The following CTBP1 variants were observed in gnomAD, a reference collection of about 807,000 sequenced individuals.
The protein encoded by CTBP1 is C-terminal-binding protein 1.
CTBP1 carries 11 observed loss-of-function variants against 42.1 expected under a neutral mutation model. The ratio of observed to expected loss-of-function variants is 0.26; its 90% confidence interval spans 0.16 to 0.43. The LOEUF is 0.43. CTBP1 is among the 20% of genes least tolerant of loss of function. The probability of loss-of-function intolerance (pLI) is 1.00; values close to 1 mark genes in which losing one functional copy is unlikely to be tolerated. For missense variants in CTBP1, 399 were observed against 624.3 expected (o/e 0.64, Z 3.85); for synonymous variants, 324 against 277.1 (o/e 1.17, Z -1.68).
chr4:1,240,585 G>T (rs1332103678), intron 2 of CTBP1, among the ~76,000 whole-genome samples: 1 of 106,118 alleles, frequency 9.4e-6, no homozygotes, highest in Non-Finnish European at 2.0e-5. Context: ...CCGGGTGCTG[G>T]GTGAGTGGGA....
chr4:1,229,516 CG>C (rs1382410982), intron 3 of CTBP1, among the ~76,000 whole-genome samples: 1 of 152,244 alleles, frequency 6.6e-6, no homozygotes, highest in African/African-American at 2.4e-5. Context: ...GTACTCCTGA[CG>C]GATCAATGGC....
chr4:1,232,455 G>A (rs1462683100), intron 3 of CTBP1, among the ~76,000 whole-genome samples: 2 of 152,056 alleles, frequency 1.3e-5, no homozygotes, highest in Non-Finnish European at 2.9e-5. Flanking sequence ...TGGACTACAG[G>A]CGCGCACCAC....
intron 1 of CTBP1, chr4:1,244,587 C>T (rs1040706158): frequency 2.0e-6 from 2 of 985,098 alleles, no homozygotes; most frequent in African/African-American, 3.5e-5. Context: ...AGCTCCTCCT[C>T]ACCAACCCCA....
intron 3 of CTBP1, chr4:1,232,744 C>T (rs1356524447): frequency 6.6e-6 from 1 of 152,244 alleles, no homozygotes; most frequent in Non-Finnish European, 1.5e-5. Context: ...CTCTTGCAAG[C>T]GTTCCTCTAA....
At position 1,241,328 on chromosome 4, in the gene CTBP1, A is replaced by C. The variant is rs1577074834; in HGVS notation, c.4T>G (p.Ser2Ala). 2.3e-6 allele frequency: 2 copies of C among 873,330 alleles called. No homozygotes were observed. Among genetic ancestry groups the C allele is most frequent in the East Asian group, 4.8e-5 (2 of 41,630 alleles). The allele number at this position is 873,330 out of a possible 1,614,324, so 54.1% of individuals were successfully genotyped here. Residue 2 changes from serine (S) to alanine (A), a missense_variant, in exon 2 of 10, where the codon TCA becomes GCA. Around this residue, in one of 4 missense-constraint regions of CTBP1, gnomAD observed 17 missense variants for 18.7 expected, o/e 0.91. Transcript: ENST00000382952. M[S>A]GVRPPIMNGP... ...GACGCCAGGAACCCCTACCAACCTG[A>C]CATCTCTTAATATGGGCTCAGCTTC...
chr4:1,248,691 T>C (rs1436137404), intron 1 of CTBP1: 1 of 981,092 alleles, frequency 1.0e-6, no homozygotes, highest in East Asian at 1.2e-4. Context: ...GAGAGCAGAC[T>C]GCGGCGCTCG....
chr4:1,241,650 C>T lies in CTBP1; in HGVS notation c.-188-131G>A, dbSNP rs1732189159. On this transcript the variant is annotated intron_variant, in intron 1 of 9. Coordinates refer to ENST00000382952, the MANE Select transcript of CTBP1 (RefSeq NM_001012614.2). The stretch of plus-strand genomic sequence containing the variant: ...ACCCGGGACTGCTGTCTGGGACCTA[C>T]CTGGACTCGGGGGCCTGCTGACAGC... 3 of 1,343,970 alleles carry T rather than the reference C, an allele frequency of 2.2e-6. No homozygotes were observed. In the Admixed American group the frequency reaches 7.2e-5, roughly 32 times the overall value. 83.3% of individuals were successfully genotyped at this position (1,343,970 alleles called of 1,614,324 possible).
intron 5 of CTBP1, chr4:1,223,630 G>A (rs1560245122): frequency 2.6e-6 from 1 of 392,076 alleles, no homozygotes. Context: ...AGGCAGCTGG[G>A]CCAAGGTGTC....
chr4:1,249,068 C>T lies in CTBP1; in HGVS notation c.-341G>A, dbSNP rs1468695743. ...CGCTGCTCCGCCCGCCCGCCTGCGCCTGGCCGCCGCCGTGCCGAGTCTCCG... is the reference window on the plus strand; with the variant it reads ...CGCTGCTCCGCCCGCCCGCCTGCGCTTGGCCGCCGCCGTGCCGAGTCTCCG... On this transcript the variant is annotated 5_prime_UTR_variant, in exon 1 of 10. Transcript: ENST00000382952. 5.3e-6 allele frequency: 2 copies of T among 376,350 alleles called. No individual in the cohort carries two copies. The highest frequency in any genetic ancestry group is 2.2e-5 in the African/African-American group (1 of 45,104). The allele number at this position is 376,350 out of a possible 1,614,324, so 23.3% of individuals were successfully genotyped here. A position where few individuals can be genotyped will look rare whatever the true frequency, so the allele number is the denominator to read the frequency against.
intron 7 of CTBP1, 144 bp downstream of exon 7, chr4:1,214,199 G>A (rs1180707645): frequency 1.1e-5 from 12 of 1,105,400 alleles, no homozygotes; most frequent in African/African-American, 1.7e-5. Flanking sequence ...ACCCCGCAGC[G>A]GGCGGCAAAC....
In CTBP1 at chr4:1,238,508, C is replaced by T. The variant is rs1432670684; in HGVS notation, c.8-171G>A. Among the ~76,000 whole-genome samples the T allele has an allele frequency of 6.6e-6, 1 of 152,186 alleles. No individual in the cohort carries two copies. Among genetic ancestry groups the T allele is most frequent in the Non-Finnish European group, 1.5e-5 (1 of 68,036 alleles). On this transcript the variant is annotated intron_variant, in intron 2 of 9. Coordinates refer to ENST00000382952, the MANE Select transcript of CTBP1 (RefSeq NM_001012614.2). The surrounding 1 kb of genome is among the most constrained non-coding windows in gnomAD (Gnocchi z 5.9). ...AATTAAAAATCCACGTGAAAGACAACTCGTGTGTGCCTCAGCTCGCTGACT... is the reference window on the plus strand; with the variant it reads ...AATTAAAAATCCACGTGAAAGACAATTCGTGTGTGCCTCAGCTCGCTGACT...
At chr4:1,244,105 G>C in intron 1 of CTBP1, 1 of 985,398 alleles carries the variant, frequency 1.0e-6, no homozygotes, top group South Asian at 4.7e-5. Flanking sequence ...GGGGCTGCAC[G>C]GTGGCGGCCC....
chr4:1,226,263 C>T (rs2108750895), intron 4 of CTBP1, among the ~76,000 whole-genome samples: 1 of 152,288 alleles, frequency 6.6e-6, no homozygotes, highest in South Asian at 2.1e-4. Context: ...TGGCTTGTCC[C>T]TGGCCAGGGC....
At chr4:1,248,373 G>T (rs1158764356) in intron 1 of CTBP1, among the ~76,000 whole-genome samples, 1 of 151,466 alleles carries the variant, frequency 6.6e-6, no homozygotes, top group Non-Finnish European at 1.5e-5. Context: ...CGGCACCCGC[G>T]CCCCGTCCCC....
At chr4:1,247,767 A>AGAG (rs1553852050) in intron 1 of CTBP1, among the ~76,000 whole-genome samples, 2 of 70,790 alleles carry the variant, frequency 2.8e-5, no homozygotes, top group African/African-American at 1.5e-4. Flanking sequence ...GAGGCCGGGG[A>AGAG]GGGGGGGGGG....
In CTBP1 at chr4:1,235,014, G is replaced by C. The variant is rs1348634816; in HGVS notation, c.162+3169C>G. On this transcript the variant is annotated intron_variant, in intron 3 of 9. Transcript: ENST00000382952. This position sits in a 1 kb window ranked among gnomAD's most constrained non-coding sequence, Gnocchi z 4.2. The stretch of plus-strand genomic sequence containing the variant: ...ATACAGTGTGCACCCCTTGAAACCA[G>C]CTTCTTCACTCGCCATCATGCTGCC... 1 of 152,260 alleles carries C rather than the reference G, an allele frequency of 6.6e-6. No individual in the cohort carries two copies. The highest frequency in any genetic ancestry group is 1.5e-5 in the Non-Finnish European group (1 of 68,078). 9.4% of individuals were successfully genotyped at this position (152,260 alleles called of 1,614,324 possible).
chr4:1,220,766 C>T (rs955970230), intron 5 of CTBP1, among the ~76,000 whole-genome samples: 1 of 152,252 alleles, frequency 6.6e-6, no homozygotes, highest in African/African-American at 2.4e-5. Flanking sequence ...CGCATCGTGC[C>T]GCAGCGACCT....
chr4:1,248,833 C>G (rs1369664745), intron 1 of CTBP1, 83 bp downstream of exon 1: 2 of 898,154 alleles, frequency 2.2e-6, no homozygotes, highest in Non-Finnish European at 2.6e-6. Context: ...GCGCTCGGTC[C>G]GCCCCCGCGC....
At chr4:1,225,239 G>A in intron 5 of CTBP1, 121 bp downstream of exon 5, 1 of 1,204,166 alleles carries the variant, frequency 8.3e-7, no homozygotes, top group Admixed American at 2.3e-5. Flanking sequence ...TCCTGTCCTG[G>A]GTTGGGACCG....
Sources: gnomAD v4.1 joint callset for allele counts (sites outside exome capture counted in the v4.1 genomes callset) on GRCh38, gnomAD v4.1.1 for gene constraint, gnomAD v4.1.1 regional missense constraint, Gnocchi (gnomAD v3.1) non-coding constraint, MANE v1.5 for transcripts, NCBI Gene and HGNC (gene_info 2026-07-23, HGNC 2026-07-21) for gene names.